Variants in IL1RAPL1 observed in about 807,000 individuals in gnomAD.
The protein encoded by IL1RAPL1 is interleukin-1 receptor accessory protein-like 1.
IL1RAPL1 carries 3 observed loss-of-function variants against 48.4 expected under a neutral mutation model. The observed-to-expected ratio is 0.06, with a 90% CI of 0.03 to 0.16. The LOEUF (loss-of-function observed/expected upper bound fraction) is 0.16. IL1RAPL1 is among the 10% of genes least tolerant of loss of function. The pLI is 1.00. For missense variants in IL1RAPL1, 349 were observed against 530.6 expected, an observed-to-expected ratio of 0.66 and a Z score of 3.36; for synonymous variants, 185 against 187.7, an observed-to-expected ratio of 0.99 and a Z score of 0.12.
intron 5 of IL1RAPL1, among the ~76,000 whole-genome samples, chrX:29,502,388 T>A (rs766214103): frequency 2.3e-4 from 26 of 111,844 alleles, no homozygotes; most frequent in Non-Finnish European, 1.5e-4. Context: ...CGCATCCTTG[T>A]CTTGTTACAG....
At chrX:29,711,070 A>ATACACACACACACC in intron 6 of IL1RAPL1, among the ~76,000 whole-genome samples, 1 of 4,354 alleles carries the variant, frequency 2.3e-4, no homozygotes, top group South Asian at 0.011. Flanking sequence ...GTGTGTGTAT[A>ATACACACACACACC]CACACACACA....
In IL1RAPL1 at chrX:29,941,666, T is replaced by C; in HGVS notation, c.1073T>C (p.Val358Ala). 1 of 1,210,464 alleles carries C rather than the reference T, an allele frequency of 8.3e-7. No individual in the cohort carries two copies. Among genetic ancestry groups the C allele is most frequent in the Non-Finnish European group, 1.1e-6 (1 of 894,357 alleles). ...LLHKRELMYT[V>A]ELAGGLGAIL... is the part of the protein sequence containing the mutation. ...TTCTTTCTAGAGCTAATGTACACAGTGGAACTTGCTGGAGGCCTTGGTGCT... is the reference window on the plus strand; with the variant it reads ...TTCTTTCTAGAGCTAATGTACACAGCGGAACTTGCTGGAGGCCTTGGTGCT... Residue 358 changes from valine to alanine, a missense_variant, in exon 9 of 11, where the codon GTG becomes GCG. Around this residue, in one of 3 missense-constraint regions of IL1RAPL1, gnomAD observed 238 missense variants for 337.8 expected, o/e 0.70. Coordinates refer to ENST00000378993, the MANE Select transcript of IL1RAPL1 (RefSeq NM_014271.4).
chrX:29,601,212 T>C (rs1409190005), intron 5 of IL1RAPL1, among the ~76,000 whole-genome samples: 3 of 112,370 alleles, frequency 2.7e-5, no homozygotes, highest in African/African-American at 9.7e-5. Context: ...TATAAATTCA[T>C]GTTTGACTAA....
intron 6 of IL1RAPL1, among the ~76,000 whole-genome samples, chrX:29,817,397 A>G (rs1930521271): frequency 9.0e-6 from 1 of 111,296 alleles, no homozygotes; most frequent in Admixed American, 9.6e-5. Flanking sequence ...TTTTCTGGAA[A>G]TGTTTCCCAA....
At chrX:29,698,063 C>T (rs1274551128) in intron 6 of IL1RAPL1, among the ~76,000 whole-genome samples, 1 of 111,215 alleles carries the variant, frequency 9.0e-6, no homozygotes, top group Non-Finnish European at 1.9e-5. Flanking sequence ...TTTACTTTCA[C>T]CACCTTCTCT....
At chrX:29,130,583 T>G (rs1372960586) in intron 2 of IL1RAPL1, among the ~76,000 whole-genome samples, 2 of 112,541 alleles carry the variant, frequency 1.8e-5, no homozygotes, top group Non-Finnish European at 3.8e-5. Context: ...GAGCATTACC[T>G]TACTTTAAAT....
intron 1 of IL1RAPL1, among the ~76,000 whole-genome samples, chrX:28,621,150 T>C (rs1934281283): frequency 8.9e-6 from 1 of 112,347 alleles, no homozygotes; most frequent in Non-Finnish European, 1.9e-5. Context: ...TTTGGTATTT[T>C]ATTATTTGTT....
intron 3 of IL1RAPL1, among the ~76,000 whole-genome samples, chrX:29,319,160 G>GCCTGTCTGTCTA (rs1555990506): frequency 1.2e-5 from 1 of 84,986 alleles, no homozygotes; most frequent in African/African-American, 4.6e-5. Flanking sequence ...CTATCTGTCT[G>GCCTGTCTGTCTA]TCTATCTATC....
chrX:29,788,526 A>G (rs1929556647), intron 6 of IL1RAPL1, among the ~76,000 whole-genome samples: 1 of 110,749 alleles, frequency 9.0e-6, no homozygotes, highest in African/African-American at 3.3e-5. Context: ...TTTCCCTTTC[A>G]TTTTGTGATA....
chrX:29,548,579 C>T lies in IL1RAPL1; in HGVS notation c.704-119851C>T, dbSNP rs114032141. Among the ~76,000 whole-genome samples the T allele has an allele frequency of 1.8e-3, 201 of 111,836 alleles. No homozygotes were observed. The Middle Eastern group carries it at 0.023, about 13-fold the overall frequency. On this transcript the variant is annotated intron_variant, in intron 5 of 10. Transcript: ENST00000378993. ...TATGTTTTTAAAATAGAAAATTAAA[C>T]GTGAAAGGTTTTTTATGAAATATAT...
chrX:29,207,777 C>A (rs1228379716), intron 2 of IL1RAPL1, among the ~76,000 whole-genome samples: 3 of 111,339 alleles, frequency 2.7e-5, no homozygotes, highest in Non-Finnish European at 5.7e-5. Flanking sequence ...ACAATTCATA[C>A]CAAAAATAAA....
chrX:29,544,061 A>G (rs1425236959), intron 5 of IL1RAPL1, among the ~76,000 whole-genome samples: 2 of 111,878 alleles, frequency 1.8e-5, no homozygotes, highest in Non-Finnish European at 1.9e-5. Context: ...AGATATTTTT[A>G]CCTAAATTTC....
At chrX:28,900,854 A>G (rs1923057029) in intron 2 of IL1RAPL1, among the ~76,000 whole-genome samples, 1 of 111,876 alleles carries the variant, frequency 8.9e-6, no homozygotes, top group African/African-American at 3.2e-5. Context: ...GTCCCTTATA[A>G]AGGGAAACCA....
At chrX:29,058,238 G>A (rs187461191) in intron 2 of IL1RAPL1, among the ~76,000 whole-genome samples, 1,596 of 110,462 alleles carry the variant, frequency 0.014, 29 homozygotes, top group African/African-American at 0.05. Flanking sequence ...TTAGCTGGGC[G>A]TGGTGGCACA....
intron 1 of IL1RAPL1, among the ~76,000 whole-genome samples, chrX:28,674,028 T>C (rs1934974190): frequency 8.9e-6 from 1 of 112,063 alleles, no homozygotes; most frequent in African/African-American, 3.2e-5. Flanking sequence ...GTATTGAAGG[T>C]GCATTGTATT....
At chrX:28,603,374 C>T (rs1415635874) in intron 1 of IL1RAPL1, among the ~76,000 whole-genome samples, 1 of 111,654 alleles carries the variant, frequency 9.0e-6, no homozygotes, top group East Asian at 2.8e-4. Context: ...TCAGCAACTC[C>T]CACTTCGTTT....
intron 6 of IL1RAPL1, among the ~76,000 whole-genome samples, chrX:29,831,556 T>G (rs1930876594): frequency 8.9e-6 from 1 of 111,957 alleles, no homozygotes; most frequent in Admixed American, 9.5e-5. Context: ...AGGGTTTTCG[T>G]TGTTGTGCTA....
intron 3 of IL1RAPL1, among the ~76,000 whole-genome samples, chrX:29,285,323 G>C (rs950124446): frequency 6.5e-5 from 7 of 108,128 alleles, no homozygotes; most frequent in Non-Finnish European, 1.3e-4. Flanking sequence ...ACCTGAGGTT[G>C]GGAGTTCGAG....
chrX:29,301,764 G>A (rs1246657649), intron 3 of IL1RAPL1, among the ~76,000 whole-genome samples: 1 of 111,065 alleles, frequency 9.0e-6, no homozygotes, highest in East Asian at 2.8e-4. Flanking sequence ...AAAATTATCT[G>A]TATCACTGTA....
Sources: gnomAD v4.1 joint callset for allele counts (sites outside exome capture counted in the v4.1 genomes callset) on GRCh38, gnomAD v4.1.1 for gene constraint, gnomAD v4.1.1 regional missense constraint, MANE v1.5 for transcripts, NCBI Gene and HGNC (gene_info 2026-07-23, HGNC 2026-07-21) for gene names.